Variants in ROR2 observed in about 807,000 individuals in gnomAD.
ROR2 encodes tyrosine-protein kinase transmembrane receptor ROR2.
ROR2 carries 33 observed loss-of-function variants against 74.9 expected under a neutral mutation model. The ratio of observed to expected loss-of-function variants is 0.44; its 90% CI spans 0.33 to 0.59. The LOEUF (loss-of-function observed/expected upper bound fraction) is 0.59, where lower values mean the gene tolerates loss of function less well. ROR2 is among the 20% of genes least tolerant of loss of function. ROR2 has a pLI of 0.02. For synonymous variants in ROR2, 586 were observed against 558.7 expected (o/e 1.05, Z -0.69); for missense variants, 1,216 against 1,313.8 (o/e 0.93, Z 1.15).
At chr9:91,900,284 C>T (rs1395676182) in intron 1 of ROR2, among the ~76,000 whole-genome samples, 5 of 152,206 alleles carry the variant, frequency 3.3e-5, no homozygotes, top group Non-Finnish European at 7.3e-5. Context: ...GCAAACTGGA[C>T]GCCGCAAGGG....
chr9:91,789,894 G>T (rs1826915690), intron 1 of ROR2, among the ~76,000 whole-genome samples: 1 of 151,914 alleles, frequency 6.6e-6, no homozygotes, highest in Non-Finnish European at 1.5e-5. Context: ...TGGCAGAATG[G>T]ATTTAAAAAA....
chr9:91,948,590 C>A (rs1365308472), intron 1 of ROR2: 3 of 985,412 alleles, frequency 3.0e-6, no homozygotes, highest in Non-Finnish European at 3.6e-6. Flanking sequence ...ACTGTGCAGC[C>A]TTTCTGACTC....
At chr9:91,895,255 A>C (rs555011273) in intron 1 of ROR2, among the ~76,000 whole-genome samples, 1 of 152,230 alleles carries the variant, frequency 6.6e-6, no homozygotes, top group Non-Finnish European at 1.5e-5. Flanking sequence ...ATTGGGGAGG[A>C]AGGGATGAAT....
intron 1 of ROR2, among the ~76,000 whole-genome samples, chr9:91,791,368 C>T (rs1826970428): frequency 1.3e-5 from 2 of 152,174 alleles, no homozygotes; most frequent in African/African-American, 4.8e-5. Flanking sequence ...TAGGCTAAAC[C>T]TTCTAGGTTT....
At chr9:91,852,016 GTCTAA>G (rs1386845474) in intron 1 of ROR2, among the ~76,000 whole-genome samples, 1 of 151,006 alleles carries the variant, frequency 6.6e-6, no homozygotes. Context: ...TCTCCAGTTA[GTCTAA>G]TCTTCTTTCA....
intron 1 of ROR2, among the ~76,000 whole-genome samples, chr9:91,945,336 T>G (rs1831987402): frequency 6.6e-6 from 1 of 152,234 alleles, no homozygotes; most frequent in African/African-American, 2.4e-5. Context: ...AACATTTCCT[T>G]ATTTTAACTG....
chr9:91,761,551 C>T (rs963617589), intron 2 of ROR2, among the ~76,000 whole-genome samples: 3 of 152,138 alleles, frequency 2.0e-5, no homozygotes, highest in Admixed American at 1.3e-4. Flanking sequence ...CACTGTTGAT[C>T]TGACAGGAGG....
rs28408070 is a variant in ROR2 at position 91,821,008 on chromosome 9, G to A, written c.98-45190C>T. On this transcript the variant is annotated intron_variant, in intron 1 of 8. Transcript: ENST00000375708. ...CCCAGCTACTCAGGAAGCTGAGGCAGGAGAATTGCTTGAACCCAGGAGGCA... is the reference window on the plus strand; with the variant it reads ...CCCAGCTACTCAGGAAGCTGAGGCAAGAGAATTGCTTGAACCCAGGAGGCA... Among the ~76,000 whole-genome samples the A allele has an allele frequency of 6.0e-3, 910 of 152,246 alleles. 7 individuals are homozygous for A. Among genetic ancestry groups the A allele is most frequent in the African/African-American group, 0.02 (843 of 41,528 alleles).
intron 1 of ROR2, among the ~76,000 whole-genome samples, chr9:91,867,013 G>A (rs1247284142): frequency 6.6e-6 from 1 of 152,196 alleles, no homozygotes; most frequent in Non-Finnish European, 1.5e-5. Context: ...ATATCTTGAG[G>A]GTTCTGGTTC....
chr9:91,937,197 A>G (rs987968011), intron 1 of ROR2, among the ~76,000 whole-genome samples: 10 of 152,152 alleles, frequency 6.6e-5, no homozygotes, highest in African/African-American at 2.4e-4. Flanking sequence ...AGTCTGTGCT[A>G]AAACAAGCTG....
intron 1 of ROR2, among the ~76,000 whole-genome samples, chr9:91,925,393 G>C (rs534404237): frequency 3.3e-5 from 5 of 151,944 alleles, no homozygotes; most frequent in Non-Finnish European, 5.9e-5. Context: ...CCCCCAGCTC[G>C]GCAAGCTCTG....
intron 1 of ROR2, among the ~76,000 whole-genome samples, chr9:91,807,042 G>A (rs535454653): frequency 6.6e-6 from 1 of 152,170 alleles, no homozygotes; most frequent in African/African-American, 2.4e-5. Context: ...ATCAGACTTA[G>A]GGTCATAAAA....
intron 2 of ROR2, among the ~76,000 whole-genome samples, chr9:91,775,095 CT>C (rs1826375712): frequency 6.6e-6 from 1 of 152,206 alleles, no homozygotes; most frequent in East Asian, 1.9e-4. Context: ...GATCTTGGAC[CT>C]CCAGCCTCCA....
intron 1 of ROR2, among the ~76,000 whole-genome samples, chr9:91,936,642 G>T (rs1383854105): frequency 6.6e-6 from 1 of 152,162 alleles, no homozygotes. Flanking sequence ...CAGTAAGTGG[G>T]AACCCTGAGC....
chr9:91,871,834 G>A (rs1031249286), intron 1 of ROR2, among the ~76,000 whole-genome samples: 3 of 152,230 alleles, frequency 2.0e-5, no homozygotes, highest in Non-Finnish European at 4.4e-5. Context: ...TTCTTGGGTC[G>A]AGAGACCCCC....
intron 1 of ROR2, among the ~76,000 whole-genome samples, chr9:91,891,151 A>C (rs1294706361): frequency 6.6e-6 from 1 of 151,826 alleles, no homozygotes; most frequent in Non-Finnish European, 1.5e-5. Flanking sequence ...CCAACTATGT[A>C]TTAAGTTACG....
At chr9:91,933,533 T>G (rs1243321654) in intron 1 of ROR2, among the ~76,000 whole-genome samples, 1 of 152,190 alleles carries the variant, frequency 6.6e-6, no homozygotes, top group African/African-American at 2.4e-5. Flanking sequence ...AATGTATACA[T>G]AAATGACAGA....
At chr9:91,750,324 G>A (rs544925083) in intron 4 of ROR2, among the ~76,000 whole-genome samples, 1 of 152,288 alleles carries the variant, frequency 6.6e-6, no homozygotes, top group African/African-American at 2.4e-5. Flanking sequence ...ACTGTTCCCA[G>A]GGAAAATACA....
At chr9:91,760,582 C>T (rs1825884393) in intron 2 of ROR2, among the ~76,000 whole-genome samples, 1 of 150,144 alleles carries the variant, frequency 6.7e-6, no homozygotes, top group African/African-American at 2.5e-5. Flanking sequence ...TGCAGTGAGC[C>T]GAGATCGCGC....
Sources: allele counts gnomAD v4.1 joint callset (sites outside exome capture counted in the v4.1 genomes callset), GRCh38; gene constraint gnomAD v4.1.1; transcripts MANE v1.5; gene names NCBI Gene and HGNC (gene_info 2026-07-23, HGNC 2026-07-21).